Variants in CACNA2D3 observed in about 807,000 individuals in gnomAD.
CACNA2D3 encodes calcium voltage-gated channel auxiliary subunit alpha2delta 3, also known as voltage-dependent calcium channel subunit alpha-2/delta-3.
CACNA2D3 carries 60 observed loss-of-function variants against 160.6 expected under a neutral mutation model. The ratio of observed to expected loss-of-function variants is 0.37; its 90% CI spans 0.30 to 0.46. The LOEUF (loss-of-function observed/expected upper bound fraction) is 0.46, where lower values mean the gene tolerates loss of function less well. Among genes scored for constraint, CACNA2D3 ranks in the 20% least tolerant of loss-of-function variants. The pLI is 1.00. For synonymous variants in CACNA2D3, 558 were observed against 492.9 expected (o/e 1.13, Z -1.75); for missense variants, 1,205 against 1,365.0 (o/e 0.88, Z 1.85).
chr3:54,478,464 C>T (rs1266969013), intron 4 of CACNA2D3, among the ~76,000 whole-genome samples: 2 of 151,334 alleles, frequency 1.3e-5, no homozygotes, highest in Non-Finnish European at 1.5e-5. Flanking sequence ...AACCCTGTCT[C>T]TACTAAAAAT....
At chr3:54,614,476 G>A (rs1439220792) in intron 9 of CACNA2D3, among the ~76,000 whole-genome samples, 2 of 152,190 alleles carry the variant, frequency 1.3e-5, no homozygotes, top group Non-Finnish European at 2.9e-5. Context: ...TGCCTGTCAG[G>A]TTTTTGGAGT....
intron 4 of CACNA2D3, among the ~76,000 whole-genome samples, chr3:54,431,933 C>T (rs867232969): frequency 2.6e-5 from 4 of 152,146 alleles, no homozygotes; most frequent in Admixed American, 2.6e-4. Flanking sequence ...TTAAAATATA[C>T]ATTTCTAGCT....
Position 55,074,279 on chromosome 3 carries a change from A to AAAAT in CACNA2D3, c.*75_*78dup. The AAAAT allele has an allele frequency of 8.2e-7, 1 of 1,212,150 alleles. No homozygotes were observed. Among genetic ancestry groups the AAAAT allele is most frequent in the Non-Finnish European group, 1.2e-6 (1 of 814,410 alleles). 75.1% of individuals were successfully genotyped at this position (1,212,150 alleles called of 1,614,324 possible). On this transcript the variant is annotated 3_prime_UTR_variant, in exon 38 of 38. Transcript: ENST00000474759. ...CTAAATCATGGATAAACTGTGAACC[A>AAAAT]AAATATGGTGCAACATACGAGACAT...
At chr3:54,698,779 A>C (rs1700711867) in intron 11 of CACNA2D3, among the ~76,000 whole-genome samples, 1 of 152,156 alleles carries the variant, frequency 6.6e-6, no homozygotes. Context: ...AACACTTTTC[A>C]TATCTTATGA....
intron 3 of CACNA2D3, among the ~76,000 whole-genome samples, chr3:54,325,879 T>G (rs1389892522): frequency 6.6e-6 from 1 of 152,210 alleles, no homozygotes; most frequent in Non-Finnish European, 1.5e-5. Context: ...TTTCACTTAT[T>G]TTTTGATTTA....
At chr3:54,819,107 CAGA>C (rs1303368984) in intron 14 of CACNA2D3, among the ~76,000 whole-genome samples, 1 of 151,920 alleles carries the variant, frequency 6.6e-6, no homozygotes, top group Non-Finnish European at 1.5e-5. Flanking sequence ...AGGCCTTTGC[CAGA>C]AGAATGAGGT....
chr3:54,456,204 T>C (rs903630938), intron 4 of CACNA2D3, among the ~76,000 whole-genome samples: 2 of 151,906 alleles, frequency 1.3e-5, no homozygotes, highest in African/African-American at 4.8e-5. Flanking sequence ...CTTTCCATTT[T>C]TGTGTGTGTG....
chr3:54,283,645 T>G (rs1702935220), intron 2 of CACNA2D3, among the ~76,000 whole-genome samples: 1 of 152,230 alleles, frequency 6.6e-6, no homozygotes, highest in Non-Finnish European at 1.5e-5. Context: ...GCAATGTGTG[T>G]GTGTGTAATT....
At chr3:54,742,659 T>A (rs1362936521) in intron 11 of CACNA2D3, among the ~76,000 whole-genome samples, 3 of 152,118 alleles carry the variant, frequency 2.0e-5, no homozygotes, top group Non-Finnish European at 4.4e-5. Context: ...CTGCTTGGAA[T>A]AGCAACCATC....
intron 31 of CACNA2D3, among the ~76,000 whole-genome samples, chr3:54,998,375 C>T (rs1267930504): frequency 1.3e-5 from 2 of 152,120 alleles, no homozygotes; most frequent in African/African-American, 2.4e-5. Context: ...CTCAAGTGAT[C>T]GGCCCACCTT....
intron 26 of CACNA2D3, among the ~76,000 whole-genome samples, chr3:54,898,913 G>C (rs17054525): frequency 6.6e-6 from 1 of 152,026 alleles, no homozygotes; most frequent in Non-Finnish European, 1.5e-5. Context: ...AGCTCTCTCT[G>C]ATTTTCTCTG....
At chr3:54,142,501 C>A (rs781400415) in intron 2 of CACNA2D3, among the ~76,000 whole-genome samples, 1 of 152,080 alleles carries the variant, frequency 6.6e-6, no homozygotes, top group African/African-American at 2.4e-5. Context: ...TTGTAGTATC[C>A]GTGGGCCCTT....
chr3:54,957,330 A>G (rs1277796238), intron 27 of CACNA2D3, among the ~76,000 whole-genome samples: 1 of 151,978 alleles, frequency 6.6e-6, no homozygotes, highest in African/African-American at 2.4e-5. Flanking sequence ...AAAACTTTTT[A>G]TAGAGATGGG....
chr3:54,829,887 T>C (rs1032562899), intron 14 of CACNA2D3, among the ~76,000 whole-genome samples: 9 of 87,822 alleles, frequency 1.0e-4, no homozygotes, highest in African/African-American at 5.2e-4. Context: ...TTCTTCATCT[T>C]TTTTTTTTTT....
At chr3:54,898,442 C>G (rs972609742) in intron 26 of CACNA2D3, among the ~76,000 whole-genome samples, 2 of 152,074 alleles carry the variant, frequency 1.3e-5, no homozygotes, top group African/African-American at 4.8e-5. Context: ...AGGCTGGTCT[C>G]TAACTGCTGA....
intron 29 of CACNA2D3, among the ~76,000 whole-genome samples, chr3:54,981,158 C>T (rs114662914): frequency 0.017 from 2,635 of 152,290 alleles, 68 homozygotes; most frequent in African/African-American, 0.06. Flanking sequence ...CAAGGACATA[C>T]AAGACAATAG....
intron 27 of CACNA2D3, among the ~76,000 whole-genome samples, chr3:54,965,907 G>A (rs936420371): frequency 6.6e-6 from 1 of 152,124 alleles, no homozygotes; most frequent in East Asian, 1.9e-4. Context: ...GGACCAGGAC[G>A]AGGATGCAGC....
chr3:54,763,150 T>A (rs1477579876), intron 12 of CACNA2D3, among the ~76,000 whole-genome samples: 2 of 150,912 alleles, frequency 1.3e-5, no homozygotes, highest in Non-Finnish European at 3.0e-5. Flanking sequence ...AAGGCAGCAC[T>A]GGGGACCACA....
intron 2 of CACNA2D3, among the ~76,000 whole-genome samples, chr3:54,223,713 G>A (rs1351419266): frequency 1.3e-5 from 2 of 151,890 alleles, no homozygotes; most frequent in East Asian, 3.9e-4. Flanking sequence ...AATTTGTGGG[G>A]CGTAGTGGCA....
Sources: allele counts gnomAD v4.1 joint callset (sites outside exome capture counted in the v4.1 genomes callset), GRCh38; gene constraint gnomAD v4.1.1; transcripts MANE v1.5; gene names NCBI Gene and HGNC (gene_info 2026-07-23, HGNC 2026-07-21).